Variants in NRXN3 observed in about 807,000 individuals in gnomAD.
The protein encoded by NRXN3 is neurexin 3.
A neutral mutation model predicts 137.6 loss-of-function variants in NRXN3; 32 were observed. The observed-to-expected ratio is 0.23, with a 90% CI of 0.18 to 0.31. The LOEUF (loss-of-function observed/expected upper bound fraction) is 0.31, where lower values mean the gene tolerates loss of function less well. NRXN3 is among the 10% of genes least tolerant of loss of function. NRXN3 has a pLI of 1.00. For synonymous variants in NRXN3, 798 were observed against 784.5 expected (o/e 1.02, Z -0.29); for missense variants, 1,574 against 2,062.5 (o/e 0.76, Z 4.59).
At chr14:78,739,779 T>G (rs776136895) in intron 8 of NRXN3, among the ~76,000 whole-genome samples, 3 of 152,118 alleles carry the variant, frequency 2.0e-5, no homozygotes, top group Non-Finnish European at 4.4e-5. Context: ...TATGTTCCCA[T>G]CCCAAAACCA....
intron 10 of NRXN3, among the ~76,000 whole-genome samples, chr14:78,865,317 G>A (rs1488668358): frequency 6.6e-6 from 1 of 152,148 alleles, no homozygotes; most frequent in African/African-American, 2.4e-5. Flanking sequence ...AAATTCTGCA[G>A]GCAGATAATG....
chr14:79,860,340 A>G (rs374217195), intron 20 of NRXN3, among the ~76,000 whole-genome samples: 6 of 152,248 alleles, frequency 3.9e-5, no homozygotes, highest in African/African-American at 1.2e-4. Context: ...CAATGCATAC[A>G]AATATTAGAC....
chr14:79,499,974 T>TGTGTGTGTGTGC (rs1336158679), intron 16 of NRXN3, among the ~76,000 whole-genome samples: 91 of 151,730 alleles, frequency 6.0e-4, no homozygotes, highest in African/African-American at 2.2e-3. Context: ...TGTGTGTGTG[T>TGTGTGTGTGTGC]GTGTGTGTGT....
At chr14:79,322,360 C>CTTT (rs1225837611) in intron 15 of NRXN3, among the ~76,000 whole-genome samples, 1 of 152,072 alleles carries the variant, frequency 6.6e-6, no homozygotes, top group Non-Finnish European at 1.5e-5. Context: ...AAATCACAGG[C>CTTT]TTGACCGCAT....
intron 8 of NRXN3, among the ~76,000 whole-genome samples, chr14:78,773,623 G>A (rs550774513): frequency 1.3e-5 from 2 of 151,870 alleles, no homozygotes; most frequent in South Asian, 2.1e-4. Flanking sequence ...ATTAAGTTGC[G>A]TTCAATAGTC....
At chr14:78,879,015 T>A (rs149699596) in intron 10 of NRXN3, among the ~76,000 whole-genome samples, 87 of 152,314 alleles carry the variant, frequency 5.7e-4, no homozygotes, top group Admixed American at 1.8e-3. Context: ...TTGTCCATGT[T>A]GTTACAAATT....
At chr14:79,766,943 C>T (rs751596222) in intron 19 of NRXN3, among the ~76,000 whole-genome samples, 16 of 152,088 alleles carry the variant, frequency 1.1e-4, no homozygotes, top group Non-Finnish European at 1.9e-4. Flanking sequence ...GAAATAAGGC[C>T]GAATAGCATA....
intron 15 of NRXN3, among the ~76,000 whole-genome samples, chr14:79,102,399 G>A (rs1004158420): frequency 6.6e-6 from 1 of 152,150 alleles, no homozygotes; most frequent in African/African-American, 2.4e-5. Context: ...AGTAGGTATT[G>A]ACAGTTCCCA....
At chr14:79,723,630 GAC>G (rs1419510441) in intron 19 of NRXN3, among the ~76,000 whole-genome samples, 1 of 152,064 alleles carries the variant, frequency 6.6e-6, no homozygotes, top group Admixed American at 6.6e-5. Flanking sequence ...TGAAATTTCA[GAC>G]ACAGCAATGA....
intron 4 of NRXN3, among the ~76,000 whole-genome samples, chr14:78,502,197 A>G (rs1361357386): frequency 6.6e-6 from 1 of 152,124 alleles, no homozygotes; most frequent in Non-Finnish European, 1.5e-5. Context: ...CTCATGGACA[A>G]TCACGTGAAC....
At chr14:78,487,014 G>A (rs111569382) in intron 4 of NRXN3, among the ~76,000 whole-genome samples, 7 of 152,264 alleles carry the variant, frequency 4.6e-5, no homozygotes, top group South Asian at 4.1e-4. Context: ...AAGAGCAGAC[G>A]TAGGCCTGTA....
intron 17 of NRXN3, among the ~76,000 whole-genome samples, chr14:79,672,003 A>G (rs984523047): frequency 6.6e-6 from 1 of 152,210 alleles, no homozygotes; most frequent in Non-Finnish European, 1.5e-5. Context: ...TAACATACAC[A>G]AAGGAGCTTT....
At chr14:78,568,897 T>A (rs2096861222) in intron 4 of NRXN3, among the ~76,000 whole-genome samples, 1 of 151,574 alleles carries the variant, frequency 6.6e-6, no homozygotes, top group African/African-American at 2.4e-5. Context: ...CACTGGTAGA[T>A]AGCTGTGCTC....
intron 15 of NRXN3, among the ~76,000 whole-genome samples, chr14:79,071,332 C>T (rs1378418328): frequency 6.6e-6 from 1 of 152,090 alleles, no homozygotes; most frequent in East Asian, 1.9e-4. Context: ...TTGCTGCACT[C>T]ATGAACCTGT....
intron 4 of NRXN3, among the ~76,000 whole-genome samples, chr14:78,399,478 C>G (rs1016402069): frequency 2.6e-5 from 4 of 152,178 alleles, no homozygotes; most frequent in African/African-American, 4.8e-5. Flanking sequence ...TTTGGAAATA[C>G]GAAGGTTCCC....
chr14:78,470,372 T>C (rs1204796903), intron 4 of NRXN3, among the ~76,000 whole-genome samples: 1 of 152,144 alleles, frequency 6.6e-6, no homozygotes, highest in Admixed American at 6.6e-5. Context: ...ATAAACAGTT[T>C]TAGAGCTATT....
Position 78,314,881 on chromosome 14 carries a change from CTTTCTTTCTTTCTCTTTCTTT to C in NRXN3, c.757+17022_757+17042del, listed in dbSNP as rs1567234140. Reference sequence around the variant, plus strand: ...ATTTTGTGTATTTTTCTTTTCCGTTCTTTCTTTCTTTCTCTTTCTTTCTTTCTTTCTTTCTTTCTTTCTTTC... The same window carrying C: ...ATTTTGTGTATTTTTCTTTTCCGTTCCTTTCTTTCTTTCTTTCTTTCTTTC... On this transcript the variant is annotated intron_variant, in intron 4 of 20. Coordinates refer to ENST00000335750, the MANE Select transcript of NRXN3 (RefSeq NM_001330195.2). Among the ~76,000 whole-genome samples the C allele has an allele frequency of 5.3e-4, 53 of 99,206 alleles. 1 individual carries two copies. The highest frequency in any genetic ancestry group is 7.1e-4 in the Non-Finnish European group (35 of 49,234). 65.1% of individuals were successfully genotyped at this position (99,206 alleles called of 152,430 possible).
intron 4 of NRXN3, among the ~76,000 whole-genome samples, chr14:78,434,597 T>C (rs2093999220): frequency 6.6e-6 from 1 of 152,168 alleles, no homozygotes; most frequent in Admixed American, 6.5e-5. Flanking sequence ...TATTTGCTCA[T>C]ACTCAAAAGG....
At chr14:78,916,279 A>C (rs1055381237) in intron 10 of NRXN3, among the ~76,000 whole-genome samples, 1 of 152,190 alleles carries the variant, frequency 6.6e-6, no homozygotes, top group Non-Finnish European at 1.5e-5. Context: ...AAGGGGTTAT[A>C]ATTGTACTAA....
Sources: allele counts gnomAD v4.1 joint callset (sites outside exome capture counted in the v4.1 genomes callset), GRCh38; gene constraint gnomAD v4.1.1; transcripts MANE v1.5; gene names NCBI Gene and HGNC (gene_info 2026-07-23, HGNC 2026-07-21).